DIAPH3: variants seen among roughly 807,000 people sequenced by gnomAD.
DIAPH3 encodes the protein diaphanous related formin 3.
A neutral mutation model predicts 144.3 loss-of-function variants in DIAPH3; 117 were observed. The ratio of observed to expected loss-of-function variants is 0.81; its 90% confidence interval spans 0.70 to 0.95. The LOEUF (loss-of-function observed/expected upper bound fraction) is 0.95, where lower values mean the gene tolerates loss of function less well. Ranked by LOEUF, DIAPH3 falls within the 40% of genes least tolerant of loss-of-function variation. The pLI is 0.00. For missense variants in DIAPH3, 1,421 were observed against 1,412.7 expected (o/e 1.01, Z -0.09); for synonymous variants, 519 against 488.9 (o/e 1.06, Z -0.81).
chr13:59,714,627 A>C (rs1348921249), intron 27 of DIAPH3, among the ~76,000 whole-genome samples: 1 of 152,098 alleles, frequency 6.6e-6, no homozygotes, highest in Non-Finnish European at 1.5e-5. Flanking sequence ...CCCTTCCTCT[A>C]ATAAGATGCC....
chr13:59,975,151 C>A (rs1451029838), intron 14 of DIAPH3, among the ~76,000 whole-genome samples: 1 of 151,716 alleles, frequency 6.6e-6, no homozygotes, highest in Non-Finnish European at 1.5e-5. Flanking sequence ...ATTATTATGA[C>A]TAAAAACCTC....
chr13:59,913,662 T>C (rs1454385368), intron 19 of DIAPH3, among the ~76,000 whole-genome samples: 2 of 152,170 alleles, frequency 1.3e-5, no homozygotes, highest in African/African-American at 2.4e-5. Context: ...CTAATTCTTA[T>C]TGAGCCTAAT....
chr13:59,826,503 T>C (rs1201605977), intron 24 of DIAPH3, among the ~76,000 whole-genome samples: 1 of 150,292 alleles, frequency 6.7e-6, no homozygotes, highest in Non-Finnish European at 1.5e-5. Context: ...CAAGGAGAAC[T>C]ACAAACCACT....
intron 5 of DIAPH3, among the ~76,000 whole-genome samples, chr13:60,031,760 T>C (rs2054815364): frequency 7.0e-6 from 1 of 142,208 alleles, no homozygotes; most frequent in Non-Finnish European, 1.5e-5. Context: ...TTTTTTTTTT[T>C]GAGATGGGGT....
intron 27 of DIAPH3, among the ~76,000 whole-genome samples, chr13:59,675,198 T>A (rs1298171039): frequency 6.6e-6 from 1 of 152,064 alleles, no homozygotes; most frequent in African/African-American, 2.4e-5. Context: ...TCGGAGTAGC[T>A]AGGTCTACAG....
chr13:60,161,601 A>G (rs1219646578), intron 1 of DIAPH3, among the ~76,000 whole-genome samples: 1 of 152,196 alleles, frequency 6.6e-6, no homozygotes, highest in Non-Finnish European at 1.5e-5. Flanking sequence ...ACTATCTCCA[A>G]AGAAAAGCAT....
intron 21 of DIAPH3, among the ~76,000 whole-genome samples, chr13:59,864,631 G>C (rs75737024): frequency 0.014 from 2,085 of 152,128 alleles, 64 homozygotes; most frequent in East Asian, 0.098. Flanking sequence ...TTATTTGTAA[G>C]CAATGAGAAT....
intron 17 of DIAPH3, among the ~76,000 whole-genome samples, chr13:59,948,637 T>C (rs1266376893): frequency 6.6e-6 from 1 of 152,048 alleles, no homozygotes; most frequent in East Asian, 1.9e-4. Flanking sequence ...GTATATATGT[T>C]GGGTGTTTGT....
intron 20 of DIAPH3, among the ~76,000 whole-genome samples, chr13:59,888,357 G>A (rs1452516552): frequency 2.0e-5 from 3 of 152,016 alleles, no homozygotes; most frequent in Non-Finnish European, 2.9e-5. Flanking sequence ...TGGAAGTCCC[G>A]GCTTCCAGAA....
chr13:60,084,007 C>T (rs61958569), intron 4 of DIAPH3, among the ~76,000 whole-genome samples: 30,520 of 135,980 alleles, frequency 0.22, 3,342 homozygotes, highest in Admixed American at 0.24. Flanking sequence ...GATAGATAGA[C>T]AGATAGATAG....
chr13:60,156,463 C>A (rs908130861), intron 1 of DIAPH3, among the ~76,000 whole-genome samples: 22 of 152,084 alleles, frequency 1.4e-4, no homozygotes, highest in African/African-American at 4.6e-4. Flanking sequence ...GTATGTAAGG[C>A]AATTTACAGG....
chr13:59,758,911 G>A (rs193063389), intron 27 of DIAPH3, among the ~76,000 whole-genome samples: 50 of 151,356 alleles, frequency 3.3e-4, no homozygotes, highest in Middle Eastern at 3.4e-3. Context: ...TCCTGAGTAG[G>A]TGGGACCATG....
At chr13:60,096,072 CAT>C (rs2058096036) in intron 3 of DIAPH3, among the ~76,000 whole-genome samples, 1 of 152,108 alleles carries the variant, frequency 6.6e-6, no homozygotes, top group Non-Finnish European at 1.5e-5. Flanking sequence ...TAGAGTAAGA[CAT>C]ATTGATTTTC....
chr13:59,875,773 T>C (rs978547503), intron 21 of DIAPH3, among the ~76,000 whole-genome samples: 2 of 152,176 alleles, frequency 1.3e-5, no homozygotes, highest in Non-Finnish European at 2.9e-5. Context: ...TTATATGTCA[T>C]ATTTTACTTT....
In DIAPH3 at chr13:59,887,511, T is replaced by C. The variant is rs192114654; in HGVS notation, c.2368-8043A>G. 6.6e-5 allele frequency among the ~76,000 whole-genome samples: 10 copies of C among 152,224 alleles called. 1 individual carries two copies. The East Asian group carries it at 1.9e-3, about 29-fold the overall frequency. ...AAATTAGGTTATGCAATTTTTAGACTGTGGTAGATGTTCTATTATTGTTGT... is the reference window on the plus strand; with the variant it reads ...AAATTAGGTTATGCAATTTTTAGACCGTGGTAGATGTTCTATTATTGTTGT... On this transcript the variant is annotated intron_variant, in intron 20 of 27. Coordinates refer to ENST00000400324, the MANE Select transcript of DIAPH3 (RefSeq NM_001042517.2).
intron 4 of DIAPH3, among the ~76,000 whole-genome samples, chr13:60,082,215 G>A (rs2057582580): frequency 6.6e-6 from 1 of 151,140 alleles, no homozygotes; most frequent in African/African-American, 2.4e-5. Flanking sequence ...TAAACATAAT[G>A]TCATAAGAGA....
chr13:59,882,589 C>G (rs893382690), intron 20 of DIAPH3, among the ~76,000 whole-genome samples: 17 of 152,006 alleles, frequency 1.1e-4, no homozygotes, highest in African/African-American at 3.9e-4. Flanking sequence ...TTGTCTAAGA[C>G]TAAGTGGAAG....
At chr13:59,941,028 T>C (rs910730372) in intron 17 of DIAPH3, among the ~76,000 whole-genome samples, 2 of 152,196 alleles carry the variant, frequency 1.3e-5, no homozygotes, top group Non-Finnish European at 2.9e-5. Context: ...ATCAATGGCA[T>C]TTATTTCCTC....
intron 4 of DIAPH3, among the ~76,000 whole-genome samples, chr13:60,059,562 G>A (rs2056685911): frequency 6.6e-6 from 1 of 151,734 alleles, no homozygotes; most frequent in African/African-American, 2.4e-5. Flanking sequence ...TAAATAAAAA[G>A]GTCATATGGT....
Sources: allele counts gnomAD v4.1 joint callset (sites outside exome capture counted in the v4.1 genomes callset), GRCh38; gene constraint gnomAD v4.1.1; transcripts MANE v1.5; gene names NCBI Gene and HGNC (gene_info 2026-07-23, HGNC 2026-07-21).